Variants in CELF2 observed in about 807,000 individuals in gnomAD.
CELF2 encodes the protein CUG triplet repeat RNA-binding protein 2.
Under a neutral mutation model 62.6 loss-of-function variants are expected in CELF2, and 8 were observed. The ratio of observed to expected loss-of-function variants is 0.13; its 90% CI spans 0.07 to 0.23. The LOEUF is 0.23. CELF2 is among the 10% of genes least tolerant of loss of function. The pLI is 1.00. For synonymous variants in CELF2, 258 were observed against 250.0 expected, an observed-to-expected ratio of 1.03 and a Z score of -0.30; for missense variants, 333 against 671.0, an observed-to-expected ratio of 0.50 and a Z score of 5.56.
At chr10:10,498,875 A>T in the CELF2 span, among the ~76,000 whole-genome samples, 3 of 152,146 alleles carry the variant, frequency 2.0e-5, no homozygotes, top group Non-Finnish European at 4.4e-5. Flanking sequence ...CCACAGGGAG[A>T]TGGGAGAGAG....
At chr10:11,089,849 A>T (rs2047835288) in intron 1 of CELF2, among the ~76,000 whole-genome samples, 1 of 152,238 alleles carries the variant, frequency 6.6e-6, no homozygotes, top group South Asian at 2.1e-4. Context: ...CCATAAAAAA[A>T]AGCATGAAAT....
At chr10:10,667,901 C>T in the CELF2 span, among the ~76,000 whole-genome samples, 1 of 152,300 alleles carries the variant, frequency 6.6e-6, no homozygotes, top group Admixed American at 6.5e-5. Flanking sequence ...TGATTCTTTG[C>T]ACATCCTCAC....
At chr10:10,501,762 T>C in the CELF2 span, among the ~76,000 whole-genome samples, 1 of 152,186 alleles carries the variant, frequency 6.6e-6, no homozygotes, top group Non-Finnish European at 1.5e-5. Flanking sequence ...TGCATGACTT[T>C]ATTTACTTTA....
In CELF2 at chr10:11,010,009, G is replaced by A. The variant is rs1017764029; in HGVS notation, c.53+4569G>A. ...CCTGGGCACAGTTGTGCCTTTATGC[G>A]GAAATTGATGAGTTGCTTTTCATCC... On this transcript the variant is annotated intron_variant, in intron 1 of 12. Coordinates refer to the CELF2 transcript ENST00000416382. This position sits in a 1 kb window ranked among gnomAD's most constrained non-coding sequence, Gnocchi z 4.1. Among the ~76,000 whole-genome samples, 2 of 152,190 alleles carry A rather than the reference G, an allele frequency of 1.3e-5. No homozygotes were observed.
At position 10,948,725 on chromosome 10, in the gene CELF2, T is replaced by C. The variant is rs548355175; in HGVS notation, c.89+28726T>C. Among the ~76,000 whole-genome samples the C allele has an allele frequency of 6.6e-5, 10 of 152,282 alleles. No homozygotes were observed. The East Asian group carries it at 1.9e-3, about 29-fold the overall frequency. ...CTCTGAGCCCTTCCTCTTCATTCTCTACCTATCCATATCCCTAAGACAGGC... is the reference window on the plus strand; with the variant it reads ...CTCTGAGCCCTTCCTCTTCATTCTCCACCTATCCATATCCCTAAGACAGGC... On this transcript the variant is annotated intron_variant, in intron 2 of 13. Transcript: ENST00000636488.
intron 1 of CELF2, among the ~76,000 whole-genome samples, chr10:10,910,961 C>T (rs750807409): frequency 1.3e-5 from 2 of 152,106 alleles, no homozygotes; most frequent in African/African-American, 2.4e-5. Context: ...AGGTACTTAG[C>T]GGCTCACATT....
chr10:11,275,077 C>T lies in CELF2; in HGVS notation c.798C>T (p.Ser266=), dbSNP rs375572074. Reference sequence around the variant, plus strand: ...CGCAGCTCCTGCAGCAGGCCACCTCCTCCAGCAACCTGGGTGCGTTCAGCG... The same window carrying T: ...CGCAGCTCCTGCAGCAGGCCACCTCTTCCAGCAACCTGGGTGCGTTCAGCG... ...QYLALLQQAT[S]SSNLGAFSGI... is the part of the protein sequence containing the mutation. Residue 266 remains serine (S), a synonymous_variant, in exon 8 of 13, where the codon TCC becomes TCT. Transcript: ENST00000633077. The T allele has an allele frequency of 1.2e-5, 19 of 1,614,098 alleles. No individual in the cohort carries two copies. The highest frequency in any genetic ancestry group is 1.6e-5 in the Non-Finnish European group (19 of 1,180,044).
intron 1 of CELF2, among the ~76,000 whole-genome samples, chr10:11,042,907 G>A (rs963569525): frequency 1.3e-5 from 2 of 152,118 alleles, no homozygotes; most frequent in South Asian, 4.1e-4. Flanking sequence ...TTATGTATAG[G>A]TGCCACAATT....
intron 2 of CELF2, among the ~76,000 whole-genome samples, chr10:11,198,988 T>C (rs2058605150): frequency 6.6e-6 from 1 of 152,212 alleles, no homozygotes; most frequent in Non-Finnish European, 1.5e-5. Context: ...TGGATTTTAT[T>C]GCAGGGCAGT....
intron 3 of CELF2, among the ~76,000 whole-genome samples, chr10:11,234,422 C>T (rs558514808): frequency 1.3e-5 from 2 of 152,318 alleles, no homozygotes; most frequent in East Asian, 3.9e-4. Flanking sequence ...GTGGCTCACG[C>T]CTATAATCCC....
intron 1 of CELF2, among the ~76,000 whole-genome samples, chr10:11,033,983 A>T (rs1331877461): frequency 6.6e-6 from 1 of 152,228 alleles, no homozygotes; most frequent in African/African-American, 2.4e-5. Flanking sequence ...CTGCCAGTGA[A>T]TAAGAGTTGC....
intron 1 of CELF2, among the ~76,000 whole-genome samples, chr10:10,880,700 A>G (rs1042264958): frequency 3.3e-5 from 5 of 152,236 alleles, no homozygotes; most frequent in Non-Finnish European, 7.3e-5. Context: ...CAGCAGAAGT[A>G]GAATAAGCCT....
chr10:10,905,347 G>T (rs1003665118), intron 1 of CELF2, among the ~76,000 whole-genome samples: 3 of 152,184 alleles, frequency 2.0e-5, no homozygotes, highest in Admixed American at 1.3e-4. Flanking sequence ...TCCTAGGAAT[G>T]AAATACTATT....
At position 11,267,044 on chromosome 10, in the gene CELF2, G is replaced by GT. The variant is rs934142627; in HGVS notation, c.618+368dup. ...CACCGGGGTCGGTGCGGATGAAACAGTAACAGCCTCCCACCCCAAATTACT... is the reference window on the plus strand; with the variant it reads ...CACCGGGGTCGGTGCGGATGAAACAGTTAACAGCCTCCCACCCCAAATTACT... On this transcript the variant is annotated intron_variant, in intron 6 of 12. Transcript: ENST00000633077. This position sits in a 1 kb window ranked among gnomAD's most constrained non-coding sequence, Gnocchi z 4.4. 1.2e-4 allele frequency among the ~76,000 whole-genome samples: 18 copies of GT among 152,322 alleles called. No individual in the cohort carries two copies. The highest frequency in any genetic ancestry group is 4.4e-5 in the Non-Finnish European group (3 of 68,022).
At chr10:11,204,365 G>A (rs1007776906) in intron 2 of CELF2, among the ~76,000 whole-genome samples, 7 of 152,222 alleles carry the variant, frequency 4.6e-5, no homozygotes, top group African/African-American at 1.7e-4. Flanking sequence ...AATGGGTTGA[G>A]AGTGTTGCAT....
At chr10:10,686,288 G>A in the CELF2 span, among the ~76,000 whole-genome samples, 1 of 104,424 alleles carries the variant, frequency 9.6e-6, no homozygotes, top group Non-Finnish European at 1.8e-5. Context: ...AATTTTCTGT[G>A]GATTTGGGTT....
chr10:10,540,888 A>C, the CELF2 span, among the ~76,000 whole-genome samples: 140 of 152,194 alleles, frequency 9.2e-4, no homozygotes, highest in African/African-American at 3.2e-3. Context: ...GTCAGCCCCC[A>C]AAAAGACCCA....
rs531383073 is a variant in CELF2, at chr10:11,268,407, C to A, written c.618+1730C>A. ...CGATCCCCATTCCTTCCCTTGGAGCCCCCCCAGTAATGCTCAGAGAGCCAC... is the reference window on the plus strand; with the variant it reads ...CGATCCCCATTCCTTCCCTTGGAGCACCCCCAGTAATGCTCAGAGAGCCAC... On this transcript the variant is annotated intron_variant, in intron 6 of 12. Coordinates refer to ENST00000633077, the MANE Select transcript of CELF2 (RefSeq NM_001326342.2). The surrounding 1 kb of genome is among the most constrained non-coding windows in gnomAD (Gnocchi z 4.7). Among the ~76,000 whole-genome samples, 4 of 152,006 alleles carry A rather than the reference C, an allele frequency of 2.6e-5. No individual in the cohort carries two copies. Among genetic ancestry groups the A allele is most frequent in the Non-Finnish European group, 4.4e-5 (3 of 67,994 alleles).
At position 11,039,640 on chromosome 10, in the gene CELF2, A is replaced by G. The variant is rs1428527496; in HGVS notation, c.74+21477A>G. Among the ~76,000 whole-genome samples the G allele has an allele frequency of 1.3e-5, 2 of 152,252 alleles. No individual in the cohort carries two copies. Among genetic ancestry groups the G allele is most frequent in the African/African-American group, 4.8e-5 (2 of 41,464 alleles). ...TTCTTGAGTCACAGTTTAAGGTTCC[A>G]TTTAAAGCCACTCAATGGAAGATAG... On this transcript the variant is annotated intron_variant, in intron 1 of 12. Transcript: ENST00000633077. This position sits in a 1 kb window ranked among gnomAD's most constrained non-coding sequence, Gnocchi z 4.1.
Sources: allele counts gnomAD v4.1 joint callset (sites outside exome capture counted in the v4.1 genomes callset), GRCh38; gene constraint gnomAD v4.1.1; non-coding constraint Gnocchi (gnomAD v3.1); transcripts MANE v1.5; gene names NCBI Gene and HGNC (gene_info 2026-07-23, HGNC 2026-07-21).